Variants in CSMD1 observed in about 807,000 individuals in gnomAD.
CSMD1 encodes the protein CUB and sushi domain-containing protein 1.
A neutral mutation model predicts 417.5 loss-of-function variants in CSMD1; 213 were observed. That is an observed-to-expected ratio of 0.51 (90% CI 0.46 to 0.57). The LOEUF (loss-of-function observed/expected upper bound fraction) is 0.57. Among genes scored for constraint, CSMD1 ranks in the 20% least tolerant of loss-of-function variants. The probability of loss-of-function intolerance (pLI) is 0.00; values close to 1 mark genes in which losing one functional copy is unlikely to be tolerated. For missense variants in CSMD1, 6,923 were observed against 4,529.7 expected, an observed-to-expected ratio of 1.53 and a Z score of -15.17; for synonymous variants, 2,862 against 1,736.8, an observed-to-expected ratio of 1.65 and a Z score of -16.11.
chr8:3,372,919 G>C (rs555787448), intron 18 of CSMD1, among the ~76,000 whole-genome samples: 2 of 152,340 alleles, frequency 1.3e-5, no homozygotes, highest in African/African-American at 4.8e-5. Context: ...AAAACCAGCA[G>C]AGGACGGAGG....
chr8:3,627,338 C>T lies in CSMD1; in HGVS notation c.1010-10541G>A, dbSNP rs76550609. On this transcript the variant is annotated intron_variant, in intron 7 of 69. Transcript: ENST00000635120. ...TTAACACGTGATGCTATAATACGTGCGTTAAGACTTCAATTTCACAGATCA... is the reference window on the plus strand; with the variant it reads ...TTAACACGTGATGCTATAATACGTGTGTTAAGACTTCAATTTCACAGATCA... Among the ~76,000 whole-genome samples, 642 of 152,164 alleles carry T rather than the reference C, an allele frequency of 4.2e-3. 1 individual carries two copies. Among genetic ancestry groups the T allele is most frequent in the African/African-American group, 0.015 (613 of 41,494 alleles).
chr8:4,142,548 A>T (rs934824596), intron 3 of CSMD1, among the ~76,000 whole-genome samples: 2 of 151,356 alleles, frequency 1.3e-5, no homozygotes, highest in Non-Finnish European at 2.9e-5. Context: ...ATGTTCAGAC[A>T]CTAAAATGAC....
At chr8:3,566,700 G>A (rs1020464419) in intron 10 of CSMD1, among the ~76,000 whole-genome samples, 3 of 152,146 alleles carry the variant, frequency 2.0e-5, no homozygotes, top group Admixed American at 6.6e-5. Context: ...CTGATCATTA[G>A]AGACATGGAA....
intron 6 of CSMD1, among the ~76,000 whole-genome samples, chr8:3,710,474 G>T (rs1801445098): frequency 6.6e-6 from 1 of 152,150 alleles, no homozygotes; most frequent in African/African-American, 2.4e-5. Context: ...ACTGTGTGTG[G>T]CAGTGATTGT....
At chr8:4,356,426 A>C (rs1584949600) in intron 3 of CSMD1, among the ~76,000 whole-genome samples, 1 of 152,158 alleles carries the variant, frequency 6.6e-6, no homozygotes. Context: ...TTGTGCTACT[A>C]TAAACATGCA....
chr8:4,362,134 A>C (rs1385869796), intron 3 of CSMD1, among the ~76,000 whole-genome samples: 6 of 152,252 alleles, frequency 3.9e-5, no homozygotes, highest in Admixed American at 3.9e-4. Context: ...TTATAAAAAT[A>C]GAATTATGAC....
chr8:4,265,503 T>C lies in CSMD1; in HGVS notation c.415+154450A>G, dbSNP rs1290694087. Among the ~76,000 whole-genome samples the C allele has an allele frequency of 1.9e-5, 2 of 104,906 alleles. 1 individual carries two copies. Among genetic ancestry groups the C allele is most frequent in the African/African-American group, 5.2e-5 (2 of 38,514 alleles). The allele number at this position is 104,906 out of a possible 152,430, so 68.8% of individuals were successfully genotyped here. ...TAAATATTGGAACCTGTTTCAAAAA[T>C]AGCAAAATTTAATAGTACAATTTAA... is the stretch of plus-strand genomic sequence containing the variant. On this transcript the variant is annotated intron_variant, in intron 3 of 69. Coordinates refer to ENST00000635120, the MANE Select transcript of CSMD1 (RefSeq NM_033225.6).
At chr8:3,506,190 A>G (rs1279469466) in intron 10 of CSMD1, among the ~76,000 whole-genome samples, 2 of 152,148 alleles carry the variant, frequency 1.3e-5, no homozygotes, top group Non-Finnish European at 2.9e-5. Context: ...GAACACCCCC[A>G]GCCCCAGGAC....
intron 10 of CSMD1, among the ~76,000 whole-genome samples, chr8:3,529,785 C>G (rs1048774116): frequency 6.6e-6 from 1 of 152,146 alleles, no homozygotes; most frequent in Non-Finnish European, 1.5e-5. Flanking sequence ...TTCGTTTCCT[C>G]TTCTGAGCAA....
At chr8:3,924,747 T>C (rs1479168425) in intron 5 of CSMD1, among the ~76,000 whole-genome samples, 1 of 148,710 alleles carries the variant, frequency 6.7e-6, no homozygotes, top group Non-Finnish European at 1.5e-5. Context: ...GAACTACTCA[T>C]TTTGTTCATA....
chr8:4,843,999 G>C (rs1396493721), intron 1 of CSMD1, among the ~76,000 whole-genome samples: 2 of 152,182 alleles, frequency 1.3e-5, no homozygotes, highest in Non-Finnish European at 2.9e-5. Flanking sequence ...GAGATTGTGA[G>C]ACATTTGAGA....
rs187272481 is a variant in CSMD1 at position 3,720,131 on chromosome 8, T to C, written c.932-11640A>G. On this transcript the variant is annotated intron_variant, in intron 6 of 69. Coordinates refer to ENST00000635120, the MANE Select transcript of CSMD1 (RefSeq NM_033225.6). Reference sequence around the variant, plus strand: ...AACGTGGAATGTTAATGCAACTCTTTATTCAGCTTTTCCCGTTAAACTTCA... The same window carrying C: ...AACGTGGAATGTTAATGCAACTCTTCATTCAGCTTTTCCCGTTAAACTTCA... 1.5e-4 allele frequency among the ~76,000 whole-genome samples: 23 copies of C among 152,318 alleles called. No homozygotes were observed. The East Asian group carries it at 4.1e-3, about 27-fold the overall frequency.
At chr8:4,760,927 G>C (rs1434283224) in intron 1 of CSMD1, among the ~76,000 whole-genome samples, 1 of 152,092 alleles carries the variant, frequency 6.6e-6, no homozygotes, top group African/African-American at 2.4e-5. Context: ...TCTTTCTCAA[G>C]CTTATTTATA....
intron 12 of CSMD1, among the ~76,000 whole-genome samples, chr8:3,416,631 A>C (rs930233097): frequency 7.2e-5 from 11 of 152,226 alleles, no homozygotes; most frequent in Non-Finnish European, 1.5e-4. Context: ...ACATGGAAAC[A>C]CGTCCAGGGA....
chr8:4,096,518 A>G (rs962198796), intron 3 of CSMD1, among the ~76,000 whole-genome samples: 1 of 152,196 alleles, frequency 6.6e-6, no homozygotes, highest in Non-Finnish European at 1.5e-5. Context: ...ATGACTACTT[A>G]GAAAAAACTG....
chr8:3,796,471 T>A (rs914567276), intron 5 of CSMD1, among the ~76,000 whole-genome samples: 4 of 139,806 alleles, frequency 2.9e-5, no homozygotes, highest in Non-Finnish European at 4.6e-5. Context: ...CTATCATGTA[T>A]ATAGATATCT....
chr8:3,698,544 T>TTC (rs1800682451), intron 7 of CSMD1, among the ~76,000 whole-genome samples: 1 of 152,250 alleles, frequency 6.6e-6, no homozygotes, highest in African/African-American at 2.4e-5. Context: ...GCATGCCTGC[T>TTC]TCTGCAGCAG....
At chr8:4,602,339 G>A (rs1402146201) in intron 2 of CSMD1, among the ~76,000 whole-genome samples, 2 of 152,130 alleles carry the variant, frequency 1.3e-5, no homozygotes, top group African/African-American at 4.8e-5. Context: ...CCAAATAGCA[G>A]ATAAGGAAGC....
chr8:3,448,019 C>G (rs930298627), intron 12 of CSMD1, among the ~76,000 whole-genome samples: 1 of 151,988 alleles, frequency 6.6e-6, no homozygotes, highest in South Asian at 2.1e-4. Flanking sequence ...CTGGGACCTC[C>G]TAACCCTGGA....
Sources: gnomAD v4.1 joint callset for allele counts (sites outside exome capture counted in the v4.1 genomes callset) on GRCh38, gnomAD v4.1.1 for gene constraint, MANE v1.5 for transcripts, NCBI Gene and HGNC (gene_info 2026-07-23, HGNC 2026-07-21) for gene names.